The following RAD51B variants were observed in gnomAD, a reference collection of about 807,000 sequenced individuals.
RAD51B encodes the protein RAD51 paralog B, also known as DNA repair protein RAD51 homolog 2.
A neutral mutation model predicts 42.2 loss-of-function variants in RAD51B; 38 were observed. The ratio of observed to expected loss-of-function variants is 0.90; its 90% CI spans 0.70 to 1.18. The LOEUF (loss-of-function observed/expected upper bound fraction) is 1.18. Among genes scored for constraint, RAD51B ranks in the 50% most tolerant of loss-of-function variants. The pLI, the probability that RAD51B is intolerant of heterozygous loss-of-function variation, is 0.00. For synonymous variants in RAD51B, 154 were observed against 145.2 expected (o/e 1.06, Z -0.43); for missense variants, 373 against 400.7 (o/e 0.93, Z 0.59).
chr14:68,402,526 T>C (rs1178681237), intron 8 of RAD51B, among the ~76,000 whole-genome samples: 1 of 152,230 alleles, frequency 6.6e-6, no homozygotes, highest in Non-Finnish European at 1.5e-5. Context: ...ACTATGAAGT[T>C]GTGTTTGCTG....
At chr14:68,107,269 A>G (rs1426932163) in intron 7 of RAD51B, among the ~76,000 whole-genome samples, 6 of 151,884 alleles carry the variant, frequency 4.0e-5, no homozygotes, top group Non-Finnish European at 8.9e-5. Context: ...AACGTAAAAT[A>G]CTAAGGAATA....
intron 8 of RAD51B, among the ~76,000 whole-genome samples, chr14:68,359,091 C>T (rs1206130310): frequency 3.9e-5 from 6 of 151,932 alleles, no homozygotes; most frequent in African/African-American, 1.5e-4. Flanking sequence ...AGGCCAGCCT[C>T]TCTGAGTTTT....
intron 7 of RAD51B, among the ~76,000 whole-genome samples, chr14:67,938,182 A>C (rs534998135): frequency 3.1e-4 from 47 of 152,332 alleles, no homozygotes; most frequent in Non-Finnish European, 5.1e-4. Flanking sequence ...TTTGCTTCCT[A>C]AAGTGTAACT....
intron 4 of RAD51B, 31 bp downstream of exon 4, chr14:67,835,227 A>G (rs765280334): frequency 6.2e-6 from 9 of 1,458,816 alleles, no homozygotes; most frequent in Non-Finnish European, 5.8e-6. Flanking sequence ...ACCTTCTTCC[A>G]TTGACCTATA....
intron 10 of RAD51B, among the ~76,000 whole-genome samples, chr14:68,521,799 T>C (rs1195899143): frequency 1.3e-5 from 2 of 152,198 alleles, no homozygotes; most frequent in Admixed American, 1.3e-4. Flanking sequence ...AGTGGTTCCT[T>C]TGGCACCAGT....
chr14:68,128,418 G>A (rs955298807), intron 7 of RAD51B, among the ~76,000 whole-genome samples: 1 of 152,198 alleles, frequency 6.6e-6, no homozygotes, highest in Admixed American at 6.5e-5. Flanking sequence ...TATAGGCCAG[G>A]CACCAGTGGC....
chr14:68,591,314 G>A (rs1037139749), intron 10 of RAD51B, among the ~76,000 whole-genome samples: 12 of 152,156 alleles, frequency 7.9e-5, no homozygotes, highest in African/African-American at 2.7e-4. Flanking sequence ...CAGGGACTCT[G>A]GATGCGCTGA....
intron 10 of RAD51B, chr14:68,562,908 T>C: frequency 1.0e-6 from 1 of 985,396 alleles, no homozygotes; most frequent in Middle Eastern, 5.2e-4. Context: ...ATGGAGCCCA[T>C]TGCCTCCACA....
chr14:68,324,297 T>C (rs1037738513), intron 8 of RAD51B, among the ~76,000 whole-genome samples: 1 of 152,236 alleles, frequency 6.6e-6, no homozygotes, highest in Admixed American at 6.5e-5. Flanking sequence ...TGGGCAGGGA[T>C]GACACTTGAT....
intron 7 of RAD51B, among the ~76,000 whole-genome samples, chr14:68,195,910 A>G (rs75209457): frequency 1.1e-5 from 1 of 93,834 alleles, no homozygotes; most frequent in Non-Finnish European, 2.3e-5. Context: ...CTCTGTTTCA[A>G]AAAAAAAAAA....
intron 8 of RAD51B, among the ~76,000 whole-genome samples, chr14:68,394,499 CATTT>C (rs1171723889): frequency 6.8e-6 from 1 of 147,220 alleles, no homozygotes; most frequent in African/African-American, 2.4e-5. Flanking sequence ...GCCACCAACT[CATTT>C]TTGTTTTTCT....
At chr14:68,126,360 C>T (rs2077759944) in intron 7 of RAD51B, among the ~76,000 whole-genome samples, 1 of 152,196 alleles carries the variant, frequency 6.6e-6, no homozygotes, top group Non-Finnish European at 1.5e-5. Context: ...AAAAAAGTCT[C>T]ATACTCAGCA....
chr14:68,299,639 A>G (rs936824037), intron 8 of RAD51B, among the ~76,000 whole-genome samples: 4 of 152,200 alleles, frequency 2.6e-5, no homozygotes, highest in African/African-American at 9.6e-5. Context: ...TGTATTAATT[A>G]TCCCATTTTG....
At chr14:67,953,986 G>T (rs916880799) in intron 7 of RAD51B, among the ~76,000 whole-genome samples, 6 of 152,110 alleles carry the variant, frequency 3.9e-5, no homozygotes, top group Non-Finnish European at 8.8e-5. Context: ...AGAAAAGAAG[G>T]TGGCAGAAGT....
At chr14:68,612,974 TTG>T (rs148497963), downstream of RAD51B, among the ~76,000 whole-genome samples, 1 of 151,904 alleles carries the variant, frequency 6.6e-6, no homozygotes, top group South Asian at 2.1e-4. Context: ...AGAGGTGTGT[TTG>T]TGTGTGTGTG....
chr14:68,090,208 G>A (rs995435128), intron 7 of RAD51B, among the ~76,000 whole-genome samples: 3 of 152,092 alleles, frequency 2.0e-5, no homozygotes, highest in East Asian at 3.9e-4. Flanking sequence ...ATCGTATCTC[G>A]TTAATCTTCC....
chr14:68,349,297 AAG>A (rs1170255293), intron 8 of RAD51B, among the ~76,000 whole-genome samples: 2 of 152,178 alleles, frequency 1.3e-5, no homozygotes, highest in East Asian at 3.9e-4. Context: ...ATTAGCCTAA[AAG>A]GAACAAACTA....
At chr14:68,186,669 C>T (rs951222756) in intron 7 of RAD51B, among the ~76,000 whole-genome samples, 6 of 152,074 alleles carry the variant, frequency 3.9e-5, no homozygotes, top group Admixed American at 3.9e-4. Context: ...AATGAGATAC[C>T]ATCTTACACC....
intron 7 of RAD51B, among the ~76,000 whole-genome samples, chr14:68,125,854 A>T (rs1255342882): frequency 6.6e-6 from 1 of 151,902 alleles, no homozygotes; most frequent in Non-Finnish European, 1.5e-5. Flanking sequence ...CTCTGTTCTT[A>T]GAACTGTAGC....
Sources: gnomAD v4.1 joint callset for allele counts (sites outside exome capture counted in the v4.1 genomes callset) on GRCh38, gnomAD v4.1.1 for gene constraint, MANE v1.5 for transcripts, NCBI Gene and HGNC (gene_info 2026-07-23, HGNC 2026-07-21) for gene names.